PDE8B: variants seen among roughly 807,000 people sequenced by gnomAD.
PDE8B encodes phosphodiesterase 8B, also known as high affinity cAMP-specific and IBMX-insensitive 3',5'-cyclic phosphodiesterase 8B.
In PDE8B, 26 loss-of-function variants were observed where a neutral mutation model predicts 101.3. The observed-to-expected ratio is 0.26, with a 90% CI of 0.19 to 0.36. The LOEUF (loss-of-function observed/expected upper bound fraction) is 0.36. Ranked by LOEUF, PDE8B falls within the 10% of genes least tolerant of loss-of-function variation. The pLI is 1.00. For missense variants in PDE8B, 810 were observed against 1,163.1 expected (o/e 0.70, Z 4.42); for synonymous variants, 424 against 429.3 (o/e 0.99, Z 0.15).
chr5:77,169,621 G>T, the PDE8B span, among the ~76,000 whole-genome samples: 1 of 152,168 alleles, frequency 6.6e-6, no homozygotes, highest in Non-Finnish European at 1.5e-5. Context: ...TGGCTGCAGG[G>T]AATGGAAAGA....
the PDE8B span, chr5:77,141,347 G>A: frequency 8.2e-4 from 124 of 152,090 alleles, no homozygotes; most frequent in African/African-American, 2.9e-3. Context: ...ACATTTTCTG[G>A]TGCTCATTTA....
In PDE8B at chr5:77,210,896, GGCGGGCGC is replaced by G; in HGVS notation, c.-24_-17del. The G allele has an allele frequency of 7.8e-7, 1 of 1,276,768 alleles. No individual in the cohort carries two copies. Among genetic ancestry groups the G allele is most frequent in the African/African-American group, 1.6e-5 (1 of 63,826 alleles). 79.1% of individuals were successfully genotyped at this position (1,276,768 alleles called of 1,614,324 possible). ...CTGGGTCCCGGCGGCCGCGGGCGCG[GGCGGGCGC>G]GCGGGGGAGCCCGGCCGAGGGATGG... On this transcript the variant is annotated 5_prime_UTR_variant, in exon 1 of 22. Transcript: ENST00000264917. The surrounding 1 kb of genome is among the most constrained non-coding windows in gnomAD (Gnocchi z 4.9).
At chr5:77,322,334 C>T (rs1192916324) in intron 2 of PDE8B, among the ~76,000 whole-genome samples, 3 of 152,094 alleles carry the variant, frequency 2.0e-5, no homozygotes, top group African/African-American at 7.2e-5. Context: ...GTCAGCAAAG[C>T]CCCAGAAGTC....
intron 1 of PDE8B, among the ~76,000 whole-genome samples, chr5:77,222,359 C>T (rs758086698): frequency 6.6e-6 from 1 of 152,144 alleles, no homozygotes; most frequent in African/African-American, 2.4e-5. Flanking sequence ...CATGGTGGCT[C>T]ATGCCTGTAA....
chr5:77,368,404 T>C (rs751913862), intron 10 of PDE8B, among the ~76,000 whole-genome samples: 11 of 152,206 alleles, frequency 7.2e-5, no homozygotes, highest in Non-Finnish European at 1.5e-4. Context: ...TGTAGAAGGC[T>C]CAGCTTCTTA....
At chr5:77,224,533 A>G (rs888083487) in intron 1 of PDE8B, among the ~76,000 whole-genome samples, 10 of 152,212 alleles carry the variant, frequency 6.6e-5, no homozygotes, top group Non-Finnish European at 1.5e-4. Context: ...TTTCAGCTGT[A>G]ACTATTTCAG....
chr5:77,345,943 T>C (rs34646527), intron 7 of PDE8B, among the ~76,000 whole-genome samples: 30,399 of 152,076 alleles, frequency 0.2, 3,508 homozygotes, highest in Middle Eastern at 0.33. Context: ...ATGACATCAA[T>C]AGCCCACCCT....
At position 77,210,860 on chromosome 5, in the gene PDE8B, C is replaced by G; in HGVS notation, c.-66C>G. ...GCGGCCGCCCCCTCACTGCAGGTGG[C>G]AGCGGGTGCGCTGGGTCCCGGCGGC... On this transcript the variant is annotated 5_prime_UTR_variant, in exon 1 of 22. Coordinates refer to ENST00000264917, the MANE Select transcript of PDE8B (RefSeq NM_003719.5). The surrounding 1 kb of genome is among the most constrained non-coding windows in gnomAD (Gnocchi z 4.9). 1 of 1,160,124 alleles carries G rather than the reference C, an allele frequency of 8.6e-7. No individual in the cohort carries two copies. The highest frequency in any genetic ancestry group is 1.1e-6 in the Non-Finnish European group (1 of 945,786). The allele number at this position is 1,160,124 out of a possible 1,614,324, so 71.9% of individuals were successfully genotyped here.
intron 10 of PDE8B, among the ~76,000 whole-genome samples, chr5:77,368,639 C>T (rs894829994): frequency 6.6e-6 from 1 of 152,198 alleles, no homozygotes; most frequent in African/African-American, 2.4e-5. Context: ...ATCTTGACCT[C>T]TTCTTTCCCC....
the PDE8B span, chr5:77,113,199 GC>G: frequency 1.3e-5 from 2 of 152,156 alleles, no homozygotes; most frequent in African/African-American, 2.4e-5. Context: ...CCAAAAAAGA[GC>G]CTGCATTGCC....
Position 77,413,291 on chromosome 5 carries a change from TGGAAA to T in PDE8B, c.1900_1904del (p.Glu634SerfsTer10), listed in dbSNP as rs1561677838. ...TCCTGCACGCCACCGCTTTCTTTCT[TGGAAA>T]GGAAAGAGTAAAGGTAGGATTTTGA... is the stretch of plus-strand genomic sequence containing the variant. On this transcript the variant is annotated frameshift_variant, in exon 17 of 22. Coordinates refer to ENST00000264917, the MANE Select transcript of PDE8B (RefSeq NM_003719.5). LOFTEE classifies it high-confidence loss of function. 1 of 1,613,808 alleles carries T rather than the reference TGGAAA, an allele frequency of 6.2e-7. No homozygotes were observed. The highest frequency in any genetic ancestry group is 1.7e-5 in the Admixed American group (1 of 59,990).
At chr5:77,107,671 C>T in the PDE8B span, among the ~76,000 whole-genome samples, 1 of 152,070 alleles carries the variant, frequency 6.6e-6, no homozygotes, top group African/African-American at 2.4e-5. Flanking sequence ...TGTAGATGTC[C>T]TAAAACATAG....
chr5:77,384,606 G>A (rs1561625587), intron 10 of PDE8B, among the ~76,000 whole-genome samples: 1 of 152,066 alleles, frequency 6.6e-6, no homozygotes, highest in Non-Finnish European at 1.5e-5. Flanking sequence ...ATTGGCTGTG[G>A]GTTTGTCATA....
the PDE8B span, among the ~76,000 whole-genome samples, chr5:77,155,678 A>T: frequency 6.8e-4 from 103 of 152,276 alleles, no homozygotes; most frequent in African/African-American, 2.4e-3. Flanking sequence ...TGCTGTCATC[A>T]CCCTCATTTT....
chr5:77,335,524 A>T (rs946100507), intron 5 of PDE8B, among the ~76,000 whole-genome samples: 1 of 134,382 alleles, frequency 7.4e-6, no homozygotes, highest in East Asian at 2.2e-4. Context: ...ACTCCAGTGT[A>T]TATGTGGGGT....
chr5:77,180,528 C>A, the PDE8B span: 1 of 977,670 alleles, frequency 1.0e-6, no homozygotes, highest in Non-Finnish European at 1.2e-6. Context: ...CTCGGCCGCC[C>A]CCTCACACCT....
intron 10 of PDE8B, among the ~76,000 whole-genome samples, chr5:77,376,097 C>A (rs1470613719): frequency 1.3e-5 from 2 of 151,740 alleles, no homozygotes; most frequent in Non-Finnish European, 2.9e-5. Context: ...TCTCCATGTG[C>A]CTTCATTTCT....
At position 77,421,821 on chromosome 5, in the gene PDE8B, A is replaced by T; in HGVS notation, c.2251A>T (p.Ile751Phe). 1 of 1,613,988 alleles carries T rather than the reference A, an allele frequency of 6.2e-7. No homozygotes were observed. The highest frequency in any genetic ancestry group is 8.5e-7 in the Non-Finnish European group (1 of 1,179,966). The change falls in exon 20 of 22, where the codon ATT (isoleucine) becomes TTT (phenylalanine). Residue 751 changes from isoleucine to phenylalanine, a missense_variant and splice_region_variant. Ile to Phe is a conservative substitution (Grantham distance 21). This residue lies in a region of PDE8B where 325 missense variants were observed against 560.9 expected (regional missense o/e 0.58). Transcript: ENST00000264917. ...CCTGATCTGACCATCTGTTTTCCAGATTGAAGGCAGCGACTGTGAATGCAA... is the reference window on the plus strand; with the variant it reads ...CCTGATCTGACCATCTGTTTTCCAGTTTGAAGGCAGCGACTGTGAATGCAA... The part of the protein sequence containing the change: ...NSINKPMAAE[I>F]EGSDCECNPA...
At chr5:77,125,404 G>T in the PDE8B span, among the ~76,000 whole-genome samples, 3 of 152,156 alleles carry the variant, frequency 2.0e-5, no homozygotes, top group African/African-American at 7.2e-5. Flanking sequence ...GCAGTTTGGT[G>T]GTTCTTCAAA....
Sources: gnomAD v4.1 joint callset for allele counts (sites outside exome capture counted in the v4.1 genomes callset) on GRCh38, gnomAD v4.1.1 for gene constraint, gnomAD v4.1.1 regional missense constraint, Gnocchi (gnomAD v3.1) non-coding constraint, MANE v1.5 for transcripts, NCBI Gene and HGNC (gene_info 2026-07-23, HGNC 2026-07-21) for gene names.